FNDC3B: variants seen among roughly 807,000 people sequenced by gnomAD.
FNDC3B encodes the protein fibronectin type III domain containing 3B.
A neutral mutation model predicts 151.5 loss-of-function variants in FNDC3B; 12 were observed. The ratio of observed to expected loss-of-function variants is 0.08; its 90% CI spans 0.05 to 0.13. The LOEUF is 0.13. Among genes scored for constraint, FNDC3B ranks in the 10% least tolerant of loss-of-function variants. The pLI is 1.00. For missense variants in FNDC3B, 1,214 were observed against 1,505.3 expected (o/e 0.81, Z 3.20); for synonymous variants, 528 against 549.0 (o/e 0.96, Z 0.54).
chr3:172,333,225 C>G (rs1448280576), intron 14 of FNDC3B, 50 bp downstream of exon 14: 1 of 1,152,694 alleles, frequency 8.7e-7, no homozygotes, highest in Non-Finnish European at 1.3e-6. Context: ...AAACTGTTTT[C>G]TATTTCACCA....
chr3:172,309,406 G>A (rs541284690), intron 10 of FNDC3B, among the ~76,000 whole-genome samples: 2 of 152,120 alleles, frequency 1.3e-5, no homozygotes, highest in South Asian at 4.1e-4. Context: ...CTAGTAGTGG[G>A]GTAGGATATC....
At chr3:172,364,598 A>G (rs1350224244) in intron 23 of FNDC3B, among the ~76,000 whole-genome samples, 1 of 152,214 alleles carries the variant, frequency 6.6e-6, no homozygotes, top group African/African-American at 2.4e-5. Flanking sequence ...GGAGAACTAT[A>G]CAAATGTGTA....
chr3:172,276,372 T>C (rs1409846458), intron 6 of FNDC3B, among the ~76,000 whole-genome samples: 3 of 152,150 alleles, frequency 2.0e-5, no homozygotes, highest in Admixed American at 6.5e-5. Context: ...CAAAAAATAA[T>C]GATGGTGGTG....
intron 3 of FNDC3B, among the ~76,000 whole-genome samples, chr3:172,207,298 A>T (rs1725482472): frequency 6.6e-6 from 1 of 152,196 alleles, no homozygotes; most frequent in African/African-American, 2.4e-5. Flanking sequence ...AAAATTAGAA[A>T]CAGAAATACC....
chr3:172,063,219 C>G (rs960503706), intron 1 of FNDC3B, among the ~76,000 whole-genome samples: 9 of 152,102 alleles, frequency 5.9e-5, no homozygotes, highest in Admixed American at 5.2e-4. Flanking sequence ...TTTCTACAGT[C>G]TATTCTTTGC....
intron 3 of FNDC3B, among the ~76,000 whole-genome samples, chr3:172,167,559 G>A (rs929271072): frequency 2.3e-4 from 35 of 152,212 alleles, no homozygotes; most frequent in African/African-American, 7.5e-4. Context: ...AGATTTGCAT[G>A]TAGTTTTTAT....
chr3:172,130,310 G>A (rs1721007233), intron 2 of FNDC3B, among the ~76,000 whole-genome samples: 1 of 152,178 alleles, frequency 6.6e-6, no homozygotes, highest in East Asian at 1.9e-4. Flanking sequence ...CTGCTCTACT[G>A]AGAAAAATTG....
chr3:172,275,509 G>GA (rs1423792226), intron 6 of FNDC3B, among the ~76,000 whole-genome samples: 1 of 152,236 alleles, frequency 6.6e-6, no homozygotes, highest in African/African-American at 2.4e-5. Context: ...CTTTGGCCTA[G>GA]AGTAGGTAGG....
intron 8 of FNDC3B, among the ~76,000 whole-genome samples, chr3:172,295,943 C>T (rs1730581921): frequency 6.6e-6 from 1 of 152,170 alleles, no homozygotes; most frequent in South Asian, 2.1e-4. Context: ...TTACCTTGCA[C>T]AATAGTTTCC....
At chr3:172,093,146 G>A (rs1576855413) in intron 1 of FNDC3B, among the ~76,000 whole-genome samples, 1 of 151,370 alleles carries the variant, frequency 6.6e-6, no homozygotes, top group African/African-American at 2.4e-5. Context: ...CAGGATTGTC[G>A]CTCTGTTGCT....
chr3:172,238,033 A>G (rs954457538), intron 4 of FNDC3B, among the ~76,000 whole-genome samples: 3 of 152,232 alleles, frequency 2.0e-5, no homozygotes, highest in Non-Finnish European at 2.9e-5. Flanking sequence ...TTATTTCATC[A>G]CTATTAGCCA....
chr3:172,256,633 C>T (rs1279678454), intron 6 of FNDC3B, among the ~76,000 whole-genome samples: 1 of 152,158 alleles, frequency 6.6e-6, no homozygotes, highest in Non-Finnish European at 1.5e-5. Context: ...CCAAAGCACA[C>T]AATATTTTAA....
At chr3:172,150,506 T>C (rs1258561780) in intron 3 of FNDC3B, among the ~76,000 whole-genome samples, 1 of 152,010 alleles carries the variant, frequency 6.6e-6, no homozygotes, top group Non-Finnish European at 1.5e-5. Flanking sequence ...GTCTCTCATC[T>C]ATGGGGCATT....
intron 1 of FNDC3B, among the ~76,000 whole-genome samples, chr3:172,051,469 G>A (rs1716651233): frequency 6.6e-6 from 1 of 152,122 alleles, no homozygotes; most frequent in Non-Finnish European, 1.5e-5. Flanking sequence ...TGATGGCTGG[G>A]TAGCTGGATC....
At chr3:172,222,400 T>G (rs565638680) in intron 3 of FNDC3B, among the ~76,000 whole-genome samples, 2 of 152,336 alleles carry the variant, frequency 1.3e-5, no homozygotes, top group South Asian at 4.1e-4. Context: ...CAAACTTTAT[T>G]TGTAATTCAC....
At chr3:172,047,414 G>A (rs2061209) in intron 1 of FNDC3B, among the ~76,000 whole-genome samples, 102,033 of 152,084 alleles carry the variant, frequency 0.67, 34,377 homozygotes, top group East Asian at 0.75. Flanking sequence ...TGCCTATTCT[G>A]TATGAAAAGG....
chr3:172,385,044 T>C (rs1032642920), intron 25 of FNDC3B, among the ~76,000 whole-genome samples: 7 of 152,038 alleles, frequency 4.6e-5, no homozygotes, highest in African/African-American at 1.7e-4. Context: ...AAAGCCACAG[T>C]TGAGTCAGGG....
chr3:172,282,095 T>A lies in FNDC3B; in HGVS notation c.791-3831T>A, dbSNP rs574699338. On this transcript the variant is annotated intron_variant, in intron 6 of 25. Coordinates refer to ENST00000415807, the MANE Select transcript of FNDC3B (RefSeq NM_022763.4). ...CCAAGGGCTTAGTTAACTCGCTTATTTAGGTCGTAGAGATGTGAATTTTGA... is the reference window on the plus strand; with the variant it reads ...CCAAGGGCTTAGTTAACTCGCTTATATAGGTCGTAGAGATGTGAATTTTGA... Among the ~76,000 whole-genome samples the A allele has an allele frequency of 6.2e-4, 95 of 152,304 alleles. 1 individual carries two copies. The highest frequency in any genetic ancestry group is 1.0e-3 in the South Asian group (5 of 4,828).
chr3:172,235,553 T>C (rs1395845371), intron 4 of FNDC3B, among the ~76,000 whole-genome samples: 1 of 152,192 alleles, frequency 6.6e-6, no homozygotes, highest in Non-Finnish European at 1.5e-5. Flanking sequence ...TCATGTCTAA[T>C]CTCATAATCT....
Sources: allele counts gnomAD v4.1 joint callset (sites outside exome capture counted in the v4.1 genomes callset), GRCh38; gene constraint gnomAD v4.1.1; transcripts MANE v1.5; gene names NCBI Gene and HGNC (gene_info 2026-07-23, HGNC 2026-07-21).